Variants in CDH18 observed in about 807,000 individuals in gnomAD.
CDH18 encodes cadherin 18.
A neutral mutation model predicts 67.9 loss-of-function variants in CDH18; 31 were observed. The ratio of observed to expected loss-of-function variants is 0.46; its 90% CI spans 0.34 to 0.62. CDH18 has a LOEUF of 0.62. Among genes scored for constraint, CDH18 ranks in the 20% least tolerant of loss-of-function variants. The pLI, the probability that CDH18 is intolerant of heterozygous loss-of-function variation, is 0.01. For synonymous variants in CDH18, 362 were observed against 347.2 expected (o/e 1.04, Z -0.48); for missense variants, 890 against 975.5 (o/e 0.91, Z 1.17).
intron 3 of CDH18, among the ~76,000 whole-genome samples, chr5:19,796,304 A>G (rs913175924): frequency 6.6e-6 from 1 of 152,148 alleles, no homozygotes; most frequent in African/African-American, 2.4e-5. Flanking sequence ...CTAAAAATAT[A>G]AAAGAACATT....
intron 10 of CDH18, among the ~76,000 whole-genome samples, chr5:19,511,171 G>T (rs889989281): frequency 3.4e-4 from 51 of 152,160 alleles, no homozygotes; most frequent in African/African-American, 1.2e-3. Context: ...TTTCATGCAG[G>T]CTTCTGAAGA....
intron 2 of CDH18, among the ~76,000 whole-genome samples, chr5:20,203,483 G>A (rs779481622): frequency 3.8e-4 from 57 of 151,928 alleles, no homozygotes; most frequent in Non-Finnish European, 1.5e-4. Context: ...CCATGAAATG[G>A]GACAGGAAGC....
At chr5:19,821,898 C>T (rs578230647) in intron 3 of CDH18, among the ~76,000 whole-genome samples, 8 of 152,066 alleles carry the variant, frequency 5.3e-5, no homozygotes, top group Non-Finnish European at 1.2e-4. Flanking sequence ...AATCTTTTCT[C>T]GACAAGCAAC....
At chr5:19,856,219 T>C (rs1318483111) in intron 2 of CDH18, among the ~76,000 whole-genome samples, 3 of 152,216 alleles carry the variant, frequency 2.0e-5, no homozygotes, top group African/African-American at 7.2e-5. Context: ...CCAGGCTCGA[T>C]TCAAGACCTA....
chr5:20,349,484 TGAAA>T (rs1331986501), intron 1 of CDH18, among the ~76,000 whole-genome samples: 1 of 152,124 alleles, frequency 6.6e-6, no homozygotes, highest in African/African-American at 2.4e-5. Context: ...ATCTTATTGA[TGAAA>T]GAAAGTGTTT....
At chr5:20,197,630 T>G (rs564195434) in intron 2 of CDH18, among the ~76,000 whole-genome samples, 1 of 152,308 alleles carries the variant, frequency 6.6e-6, no homozygotes, top group East Asian at 1.9e-4. Context: ...AATCTTGCTA[T>G]TTGCTGTTGC....
chr5:19,809,250 C>T (rs1369054446), intron 3 of CDH18, among the ~76,000 whole-genome samples: 1 of 152,066 alleles, frequency 6.6e-6, no homozygotes, highest in Non-Finnish European at 1.5e-5. Context: ...ACATGGAGGC[C>T]ATTCCCAACT....
At chr5:20,255,029 CA>C (rs1420411970) in intron 2 of CDH18, among the ~76,000 whole-genome samples, 1 of 151,988 alleles carries the variant, frequency 6.6e-6, no homozygotes, top group Non-Finnish European at 1.5e-5. Context: ...ACAACAACAA[CA>C]AAAAACAAAT....
At chr5:20,288,610 A>G (rs974916915) in intron 1 of CDH18, among the ~76,000 whole-genome samples, 5 of 151,872 alleles carry the variant, frequency 3.3e-5, no homozygotes, top group African/African-American at 1.2e-4. Context: ...AGGGATACCT[A>G]ACAAATAAAG....
chr5:19,693,231 T>A (rs1186399995), intron 5 of CDH18, among the ~76,000 whole-genome samples: 1 of 152,158 alleles, frequency 6.6e-6, no homozygotes, highest in Admixed American at 6.5e-5. Context: ...ATGATAGTTA[T>A]CAGAGGCTTG....
At chr5:19,591,019 G>A (rs1360459299) in intron 7 of CDH18, 38 bp downstream of exon 7, 8 of 1,337,512 alleles carry the variant, frequency 6.0e-6, no homozygotes, top group African/African-American at 2.9e-5. Context: ...GAAAAGATGA[G>A]TGAGTTGCCT....
At chr5:20,162,317 C>T (rs927282194) in intron 2 of CDH18, among the ~76,000 whole-genome samples, 10 of 151,326 alleles carry the variant, frequency 6.6e-5, no homozygotes, top group South Asian at 2.1e-4. Flanking sequence ...TTTAATTTTA[C>T]GAAGTACTTT....
intron 8 of CDH18, among the ~76,000 whole-genome samples, chr5:19,570,053 A>C (rs1741118156): frequency 6.6e-6 from 1 of 152,110 alleles, no homozygotes; most frequent in Admixed American, 6.5e-5. Flanking sequence ...TATTCCCAAA[A>C]GATATTGGGT....
chr5:19,727,995 C>T (rs1257159323), intron 4 of CDH18, among the ~76,000 whole-genome samples: 2 of 151,966 alleles, frequency 1.3e-5, no homozygotes, highest in African/African-American at 4.8e-5. Context: ...TGAGCAATTC[C>T]TTTATTTACA....
intron 1 of CDH18, among the ~76,000 whole-genome samples, chr5:20,277,560 G>A (rs935756974): frequency 2.0e-5 from 3 of 152,018 alleles, no homozygotes; most frequent in African/African-American, 7.2e-5. Flanking sequence ...AGTACAGCAA[G>A]CCCAGAATAT....
chr5:19,755,458 T>C (rs1453697920), intron 3 of CDH18, among the ~76,000 whole-genome samples: 13 of 9,452 alleles, frequency 1.4e-3, no homozygotes, highest in African/African-American at 1.7e-3. Flanking sequence ...TATATATATA[T>C]ACACACACAC....
intron 4 of CDH18, among the ~76,000 whole-genome samples, chr5:19,723,373 G>A (rs1766367309): frequency 6.6e-6 from 1 of 152,118 alleles, no homozygotes; most frequent in African/African-American, 2.4e-5. Context: ...AATAGAATAT[G>A]CCAAGCTCAC....
chr5:20,018,919 C>T lies in CDH18; in HGVS notation c.-517-26905G>A, dbSNP rs918480911. ...ACGCCATTCTCCTGCCTCAGCCTCC[C>T]GTGTAGCTGGGACTACAGGCGCGCG... On this transcript the variant is annotated intron_variant, in intron 2 of 14. Coordinates refer to the CDH18 transcript ENST00000507958. Among the ~76,000 whole-genome samples, 8 of 148,514 alleles carry T rather than the reference C, an allele frequency of 5.4e-5. 1 individual carries two copies. The highest frequency in any genetic ancestry group is 2.3e-4 in the East Asian group (1 of 4,308).
chr5:20,468,006 G>T lies in CDH18; in HGVS notation c.-580+107456C>A, dbSNP rs5000753. Among the ~76,000 whole-genome samples the T allele has an allele frequency of 2.2e-3, 322 of 148,584 alleles. 2 individuals carry two copies. The highest frequency in any genetic ancestry group is 3.8e-3 in the South Asian group (18 of 4,710). ...TTATTTTATTTATGTATTTATTTAT[G>T]TATTTATTTATTTATTTATTATTTT... On this transcript the variant is annotated intron_variant, in intron 1 of 14. Coordinates refer to the CDH18 transcript ENST00000507958.
Sources: allele counts gnomAD v4.1 joint callset (sites outside exome capture counted in the v4.1 genomes callset), GRCh38; gene constraint gnomAD v4.1.1; transcripts MANE v1.5; gene names NCBI Gene and HGNC (gene_info 2026-07-23, HGNC 2026-07-21).